CGGBP1: variants seen among roughly 807,000 people sequenced by gnomAD.
CGGBP1 encodes the protein CGG triplet repeat binding protein 1.
CGGBP1 carries 4 observed loss-of-function variants against 11.4 expected under a neutral mutation model. The observed-to-expected ratio is 0.35, with a 90% CI of 0.17 to 0.80. The LOEUF (loss-of-function observed/expected upper bound fraction) is 0.80, where lower values mean the gene tolerates loss of function less well. CGGBP1 is among the 30% of genes least tolerant of loss of function. The probability of loss-of-function intolerance (pLI) is 0.52; values close to 1 mark genes in which losing one functional copy is unlikely to be tolerated. For synonymous variants in CGGBP1, 76 were observed against 74.1 expected (o/e 1.03, Z -0.13); for missense variants, 135 against 202.1 (o/e 0.67, Z 2.01).
chr3:88,144,816 T>C (rs1372390417), intron 1 of CGGBP1, among the ~76,000 whole-genome samples: 1 of 152,006 alleles, frequency 6.6e-6, no homozygotes, highest in East Asian at 1.9e-4. Context: ...TTAAACATAA[T>C]ATAGAAAATA....
intron 2 of CGGBP1, among the ~76,000 whole-genome samples, chr3:88,072,673 C>T (rs2107618808): frequency 6.6e-6 from 1 of 152,262 alleles, no homozygotes; most frequent in South Asian, 2.1e-4. Flanking sequence ...CTTTTTCCCC[C>T]TTACCTGTGT....
chr3:88,079,661 C>G (rs1453351096), intron 2 of CGGBP1, among the ~76,000 whole-genome samples: 2 of 151,942 alleles, frequency 1.3e-5, no homozygotes, highest in African/African-American at 4.8e-5. Flanking sequence ...GTAGGTTGGA[C>G]TAGATAATCT....
chr3:88,130,597 T>G, intron 2 of CGGBP1, among the ~76,000 whole-genome samples: 1 of 148,722 alleles, frequency 6.7e-6, no homozygotes, highest in Non-Finnish European at 1.5e-5. Flanking sequence ...ACTACAGATG[T>G]GTGCAACCAT....
chr3:88,092,717 T>G (rs1458761692), intron 2 of CGGBP1, among the ~76,000 whole-genome samples: 1 of 152,218 alleles, frequency 6.6e-6, no homozygotes, highest in Non-Finnish European at 1.5e-5. Flanking sequence ...GGAGATTATG[T>G]CTTTTATATA....
chr3:88,149,291 C>A (rs1196561871), intron 1 of CGGBP1, among the ~76,000 whole-genome samples: 1 of 152,144 alleles, frequency 6.6e-6, no homozygotes, highest in Non-Finnish European at 1.5e-5. Context: ...GGCTAAGGAG[C>A]TTGCTTACAG....
At chr3:88,134,261 G>C (rs1021783207) in intron 2 of CGGBP1, among the ~76,000 whole-genome samples, 17 of 152,028 alleles carry the variant, frequency 1.1e-4, no homozygotes, top group African/African-American at 3.9e-4. Flanking sequence ...TAATCAAGCT[G>C]TCCTTAGATT....
chr3:88,113,176 G>T (rs1307524156), intron 2 of CGGBP1: 1 of 1,533,094 alleles, frequency 6.5e-7, no homozygotes, highest in Admixed American at 2.0e-5. Context: ...GCCCTTAAAG[G>T]ATATTCTTGG....
intron 2 of CGGBP1, among the ~76,000 whole-genome samples, chr3:88,083,547 T>C (rs941507983): frequency 3.3e-5 from 5 of 152,202 alleles, no homozygotes; most frequent in African/African-American, 1.2e-4. Flanking sequence ...GCTTCTGTCA[T>C]CAGTGTTCCT....
intron 2 of CGGBP1, among the ~76,000 whole-genome samples, chr3:88,083,686 T>C (rs1168774910): frequency 1.3e-5 from 2 of 151,460 alleles, no homozygotes; most frequent in Non-Finnish European, 2.9e-5. Flanking sequence ...TTTAAAAGTT[T>C]AGAACTGTAG....
At chr3:88,123,531 C>A (rs941641658) in intron 2 of CGGBP1, among the ~76,000 whole-genome samples, 7 of 152,094 alleles carry the variant, frequency 4.6e-5, no homozygotes, top group African/African-American at 1.7e-4. Context: ...GTTAAATATT[C>A]AAATTATCAG....
At chr3:88,124,145 T>C (rs566228483) in intron 2 of CGGBP1, among the ~76,000 whole-genome samples, 3 of 152,234 alleles carry the variant, frequency 2.0e-5, no homozygotes, top group Non-Finnish European at 4.4e-5. Context: ...GAAGAAATAA[T>C]AGCTAATGTC....
At chr3:88,067,420 T>C (rs1707261376) in intron 2 of CGGBP1, among the ~76,000 whole-genome samples, 1 of 152,032 alleles carries the variant, frequency 6.6e-6, no homozygotes, top group South Asian at 2.1e-4. Context: ...ATCATAGCCG[T>C]GTGGATGGTA....
chr3:88,056,076 A>G, intron 3 of CGGBP1, 77 bp from the exon 4 acceptor site: 1 of 1,097,358 alleles, frequency 9.1e-7, no homozygotes, highest in Non-Finnish European at 1.3e-6. Flanking sequence ...AAAAGGCAGT[A>G]TATAAACACT....
chr3:88,076,718 C>T (rs1707824218), intron 2 of CGGBP1, among the ~76,000 whole-genome samples: 1 of 152,102 alleles, frequency 6.6e-6, no homozygotes. Context: ...TGTCCATGCA[C>T]CAATTTTAAT....
intron 2 of CGGBP1, chr3:88,135,223 C>A: frequency 7.1e-7 from 1 of 1,404,878 alleles, no homozygotes; most frequent in Non-Finnish European, 9.2e-7. Context: ...TATATTTGTC[C>A]CTTAAATTTA....
upstream of CGGBP1, chr3:88,059,620 A>G (rs1706727400): frequency 2.6e-6 from 3 of 1,176,386 alleles, no homozygotes; most frequent in Non-Finnish European, 3.2e-6. Flanking sequence ...CTCCCCAACA[A>G]GGAGGGTGAG....
In CGGBP1 at chr3:88,058,064, G is replaced by A. The variant is rs983246671; in HGVS notation, c.-171C>T. 1.3e-5 allele frequency: 2 copies of A among 152,170 alleles called. No individual in the cohort carries two copies. Among genetic ancestry groups the A allele is most frequent in the African/African-American group, 4.8e-5 (2 of 41,422 alleles). The allele number at this position is 152,170 out of a possible 1,614,324, so 9.4% of individuals were successfully genotyped here. A position where few individuals can be genotyped will look rare whatever the true frequency, so the allele number is the denominator to read the frequency against. ...TTCGTCTTGATACTTAGCAGGGAAT[G>A]GTCTCCAGAGCGAAACCAGAGACGC... is the stretch of plus-strand genomic sequence containing the variant. On this transcript the variant is annotated 5_prime_UTR_variant, in exon 2 of 4. Coordinates refer to ENST00000482016, the MANE Select transcript of CGGBP1 (RefSeq NM_001008390.2).
intron 2 of CGGBP1, chr3:88,129,943 T>A (rs1706347328): frequency 1.1e-6 from 1 of 939,508 alleles, no homozygotes; most frequent in Non-Finnish European, 1.4e-6. Context: ...TAAAAAAAAA[T>A]TGATTGTGCA....
At position 88,053,358 on chromosome 3, in the gene CGGBP1, A is replaced by G. The variant is rs1706470049; in HGVS notation, c.*2115T>C. On this transcript the variant is annotated 3_prime_UTR_variant, in exon 4 of 4. Transcript: ENST00000482016. Reference sequence around the variant, plus strand: ...GAAAACATTTCTAAGGAGAGGATATAATCCTAACAGAATGGACTATGCCCC... The same window carrying G: ...GAAAACATTTCTAAGGAGAGGATATGATCCTAACAGAATGGACTATGCCCC... The G allele has an allele frequency of 1.3e-5, 2 of 152,202 alleles. No individual in the cohort carries two copies. The highest frequency in any genetic ancestry group is 4.1e-4 in the South Asian group (2 of 4,834). 9.4% of individuals were successfully genotyped at this position (152,202 alleles called of 1,614,324 possible).
Sources: allele counts gnomAD v4.1 joint callset (sites outside exome capture counted in the v4.1 genomes callset), GRCh38; gene constraint gnomAD v4.1.1; transcripts MANE v1.5; gene names NCBI Gene and HGNC (gene_info 2026-07-23, HGNC 2026-07-21).